Variants in ATF6 observed in about 807,000 individuals in gnomAD.
The protein encoded by ATF6 is activating transcription factor 6.
ATF6 carries 53 observed loss-of-function variants against 83.6 expected under a neutral mutation model. That is an observed-to-expected ratio of 0.63 (90% CI 0.51 to 0.80). The LOEUF (loss-of-function observed/expected upper bound fraction) is 0.80, where lower values mean the gene tolerates loss of function less well. Ranked by LOEUF, ATF6 falls within the 30% of genes least tolerant of loss-of-function variation. ATF6 has a pLI of 0.00. For missense variants in ATF6, 744 were observed against 797.9 expected, an observed-to-expected ratio of 0.93 and a Z score of 0.81; for synonymous variants, 288 against 285.8, an observed-to-expected ratio of 1.01 and a Z score of -0.08.
In ATF6 at chr1:161,906,754, G is replaced by A. The variant is rs534597282; in HGVS notation, c.1720-5542G>A. 1.2e-4 allele frequency among the ~76,000 whole-genome samples: 18 copies of A among 152,228 alleles called. No individual in the cohort carries two copies. In the South Asian group the frequency reaches 1.9e-3, roughly 16 times the overall value. ...TGATTTATTCTTCTGGCTGACATGC[G>A]TATTAATGGTACAGATGCAAGCTTT... is the stretch of plus-strand genomic sequence containing the variant. On this transcript the variant is annotated intron_variant, in intron 14 of 15. Coordinates refer to ENST00000367942, the MANE Select transcript of ATF6 (RefSeq NM_007348.4).
At chr1:161,926,259 G>A (rs913868868) in intron 15 of ATF6, among the ~76,000 whole-genome samples, 2 of 152,174 alleles carry the variant, frequency 1.3e-5, no homozygotes, top group African/African-American at 2.4e-5. Flanking sequence ...TATCTATTGT[G>A]TGTAACAAAT....
At chr1:161,887,769 A>G (rs548369030) in intron 14 of ATF6, among the ~76,000 whole-genome samples, 19 of 152,338 alleles carry the variant, frequency 1.2e-4, no homozygotes, top group Admixed American at 3.3e-4. Context: ...AAAAGGATAA[A>G]TCAATCCATA....
chr1:161,809,923 C>G (rs531334365), intron 7 of ATF6, among the ~76,000 whole-genome samples: 26 of 152,092 alleles, frequency 1.7e-4, no homozygotes, highest in Admixed American at 4.6e-4. Flanking sequence ...TTTGTAGATT[C>G]TGGATATTAG....
intron 15 of ATF6, among the ~76,000 whole-genome samples, chr1:161,933,486 AT>A (rs1558031437): frequency 6.6e-6 from 1 of 152,212 alleles, no homozygotes; most frequent in Non-Finnish European, 1.5e-5. Flanking sequence ...ACTTATAAAG[AT>A]TGCTATTGAA....
At chr1:161,850,113 C>T (rs1008721228) in intron 10 of ATF6, among the ~76,000 whole-genome samples, 5 of 152,176 alleles carry the variant, frequency 3.3e-5, no homozygotes, top group Admixed American at 1.3e-4. Flanking sequence ...CTTTTGCCTC[C>T]ATTGAGTCCA....
At chr1:161,834,864 A>G (rs1007033211) in intron 9 of ATF6, among the ~76,000 whole-genome samples, 1 of 152,206 alleles carries the variant, frequency 6.6e-6, no homozygotes, top group African/African-American at 2.4e-5. Flanking sequence ...TATAGAATGT[A>G]ACACAGGGAG....
chr1:161,929,677 A>G (rs1443672157), intron 15 of ATF6, among the ~76,000 whole-genome samples: 1 of 152,236 alleles, frequency 6.6e-6, no homozygotes, highest in Non-Finnish European at 1.5e-5. Context: ...AGAAGATTCA[A>G]CACAGGAGAT....
intron 15 of ATF6, among the ~76,000 whole-genome samples, chr1:161,920,294 C>CTCTTTTTTTTTTTTTTTTTTTTTT (rs1157916734): frequency 4.0e-4 from 22 of 54,832 alleles, no homozygotes; most frequent in Non-Finnish European, 6.6e-4. Flanking sequence ...CTCTCTCTCT[C>CTCTTTTTTTTTTTTTTTTTTTTTT]TTTTTTTTTT....
At chr1:161,905,460 C>T (rs1687861626) in intron 14 of ATF6, among the ~76,000 whole-genome samples, 1 of 152,092 alleles carries the variant, frequency 6.6e-6, no homozygotes, top group Non-Finnish European at 1.5e-5. Context: ...CCTACCTGAC[C>T]CCCTGTGGTC....
intron 1 of ATF6, among the ~76,000 whole-genome samples, chr1:161,776,836 A>G (rs533048376): frequency 6.6e-6 from 1 of 152,264 alleles, no homozygotes; most frequent in East Asian, 1.9e-4. Context: ...TGGTATATAG[A>G]TTTTATTTAA....
rs145804719 is a variant in ATF6 at position 161,905,904 on chromosome 1, C to T, written c.1720-6392C>T. On this transcript the variant is annotated intron_variant, in intron 14 of 15. Transcript: ENST00000367942. The stretch of plus-strand genomic sequence containing the variant: ...TGGAGTGCAGTGGCAGCGATCTCGG[C>T]TCACTGCAAGCTCAGCCTCCCAGGT... Among the ~76,000 whole-genome samples the T allele has an allele frequency of 3.8e-3, 578 of 152,188 alleles. 6 individuals are homozygous for T. Among genetic ancestry groups the T allele is most frequent in the African/African-American group, 0.013 (533 of 41,520 alleles).
intron 5 of ATF6, 126 bp from the exon 6 acceptor site, chr1:161,791,998 C>A: frequency 1.2e-6 from 1 of 841,514 alleles, no homozygotes; most frequent in Non-Finnish European, 1.9e-6. Flanking sequence ...TATGCTTAAA[C>A]TCCAGTTAAA....
At chr1:161,832,255 A>G (rs1378868456) in intron 9 of ATF6, among the ~76,000 whole-genome samples, 1 of 152,212 alleles carries the variant, frequency 6.6e-6, no homozygotes, top group Non-Finnish European at 1.5e-5. Context: ...TTATAAAAAC[A>G]ATGACCAGGT....
intron 10 of ATF6, among the ~76,000 whole-genome samples, chr1:161,851,233 AACACAC>A (rs60202873): frequency 0.21 from 15,893 of 75,320 alleles, 1,679 homozygotes; most frequent in African/African-American, 0.28. Flanking sequence ...CCCTATCCTT[AACACAC>A]ACACACACAC....
chr1:161,959,303 G>T lies in ATF6; in HGVS notation c.*649G>T. 6.6e-6 allele frequency: 1 copy of T among 152,326 alleles called. No homozygotes were observed. The highest frequency in any genetic ancestry group is 1.5e-5 in the Non-Finnish European group (1 of 68,044). The allele number at this position is 152,326 out of a possible 1,614,324, so 9.4% of individuals were successfully genotyped here. Reference sequence around the variant, plus strand: ...ACCTAAACAAAGGGGGTCAGGGAGTGGGTACAAATTTGAGAAAATAGAAGG... The same window carrying T: ...ACCTAAACAAAGGGGGTCAGGGAGTTGGTACAAATTTGAGAAAATAGAAGG... On this transcript the variant is annotated 3_prime_UTR_variant, in exon 16 of 16. Coordinates refer to ENST00000367942, the MANE Select transcript of ATF6 (RefSeq NM_007348.4).
Position 161,822,543 on chromosome 1 carries a change from A to T in ATF6, c.1187+1382A>T, listed in dbSNP as rs201814412. 8.3e-3 allele frequency among the ~76,000 whole-genome samples: 744 copies of T among 90,030 alleles called. 8 individuals are homozygous for T. The African/African-American group carries it at 0.096, about 12-fold the overall frequency. The allele number at this position is 90,030 out of a possible 152,430, so 59.1% of individuals were successfully genotyped here. A position where few individuals can be genotyped will look rare whatever the true frequency, so the allele number is the denominator to read the frequency against. ...GTTAAAATTGAATGATCTCTTTTTT[A>T]AAAAAAAACATTTTTTATGAAGATT... is the stretch of plus-strand genomic sequence containing the variant. On this transcript the variant is annotated intron_variant, in intron 9 of 15. Coordinates refer to ENST00000367942, the MANE Select transcript of ATF6 (RefSeq NM_007348.4).
intron 9 of ATF6, among the ~76,000 whole-genome samples, chr1:161,845,494 G>T (rs879493026): frequency 2.0e-5 from 3 of 152,076 alleles, no homozygotes; most frequent in African/African-American, 4.8e-5. Flanking sequence ...AAGGCTGGGC[G>T]CAGTGGCTTA....
chr1:161,943,677 C>T (rs112674212), intron 15 of ATF6, among the ~76,000 whole-genome samples: 1,961 of 152,256 alleles, frequency 0.013, 15 homozygotes, highest in South Asian at 0.018. Flanking sequence ...CCCCAGACAC[C>T]TGCTTGACTA....
rs1686640288 is a variant in ATF6 at position 161,851,877 on chromosome 1, C to T, written c.1433+42C>T. 2.0e-6 allele frequency: 3 copies of T among 1,484,836 alleles called. No individual in the cohort carries two copies. The East Asian group carries it at 6.8e-5, about 34-fold the overall frequency. The allele number at this position is 1,484,836 out of a possible 1,614,324, so 92.0% of individuals were successfully genotyped here. On this transcript the variant is annotated intron_variant, in intron 11 of 15. Coordinates refer to ENST00000367942, the MANE Select transcript of ATF6 (RefSeq NM_007348.4). ...ATTGCAGAAACATCTGAGTTGGTTCCCATGTTTAGTTTTGGAACCTAGACA... is the reference window on the plus strand; with the variant it reads ...ATTGCAGAAACATCTGAGTTGGTTCTCATGTTTAGTTTTGGAACCTAGACA...
Sources: allele counts gnomAD v4.1 joint callset (sites outside exome capture counted in the v4.1 genomes callset), GRCh38; gene constraint gnomAD v4.1.1; transcripts MANE v1.5; gene names NCBI Gene and HGNC (gene_info 2026-07-23, HGNC 2026-07-21).